Variants in MAPK14 observed in about 807,000 individuals in gnomAD.
MAPK14 encodes CSAID-binding protein.
Under a neutral mutation model 49.6 loss-of-function variants are expected in MAPK14, and 16 were observed. The observed-to-expected ratio is 0.32, with a 90% confidence interval of 0.22 to 0.49. MAPK14 has a LOEUF of 0.49. MAPK14 is among the 20% of genes least tolerant of loss of function. MAPK14 has a pLI of 0.99. For synonymous variants in MAPK14, 142 were observed against 158.0 expected (o/e 0.90, Z 0.76); for missense variants, 200 against 441.2 (o/e 0.45, Z 4.90).
In MAPK14 at chr6:36,028,738, G is replaced by C. The variant is rs375742009; in HGVS notation, c.116+465G>C. 1.2e-3 allele frequency among the ~76,000 whole-genome samples: 175 copies of C among 150,952 alleles called. 2 individuals are homozygous for C. In the South Asian group the frequency reaches 0.035, roughly 30 times the overall value. On this transcript the variant is annotated intron_variant, in intron 1 of 11. Coordinates refer to ENST00000229794, the MANE Select transcript of MAPK14 (RefSeq NM_139012.3). The surrounding 1 kb of genome is among the most constrained non-coding windows in gnomAD (Gnocchi z 5.1). ...GAAGCAGAAGGGCACAGCCCAACCC[G>C]AAGACTGCGGTCATCTGAACAAAAC...
chr6:36,072,792 A>G (rs922461385), intron 3 of MAPK14, 81 bp from the exon 4 acceptor site: 6 of 817,004 alleles, frequency 7.3e-6, no homozygotes, highest in African/African-American at 1.7e-5. Context: ...CAAAAAAACC[A>G]AAAAACTTAT....
intron 2 of MAPK14, among the ~76,000 whole-genome samples, chr6:36,057,094 G>C (rs1280774666): frequency 6.6e-6 from 1 of 152,150 alleles, no homozygotes. Flanking sequence ...AAATATATTG[G>C]TGTCCTTTGA....
At chr6:36,091,819 C>T (rs928302956) in intron 8 of MAPK14, among the ~76,000 whole-genome samples, 1 of 149,968 alleles carries the variant, frequency 6.7e-6, no homozygotes, top group Non-Finnish European at 1.5e-5. Context: ...AGTTGAAAAG[C>T]ATAATATGGC....
chr6:36,056,832 G>A (rs1763608419), intron 2 of MAPK14, among the ~76,000 whole-genome samples: 1 of 152,214 alleles, frequency 6.6e-6, no homozygotes, highest in South Asian at 2.1e-4. Flanking sequence ...GGTGAATAAA[G>A]TTAGCTTCTA....
chr6:36,034,897 CTT>C (rs200316205), intron 1 of MAPK14, among the ~76,000 whole-genome samples: 21 of 120,996 alleles, frequency 1.7e-4, no homozygotes, highest in Middle Eastern at 4.3e-3. Flanking sequence ...TTCTTTCTTT[CTT>C]TTTTTTTTTT....
At chr6:36,113,052 T>C (rs1766002637), downstream of MAPK14, among the ~76,000 whole-genome samples, 1 of 152,232 alleles carries the variant, frequency 6.6e-6, no homozygotes, top group African/African-American at 2.4e-5. Flanking sequence ...ACTTGGTTAA[T>C]GAATATGCAA....
chr6:36,101,988 G>C (rs139569250), intron 9 of MAPK14, among the ~76,000 whole-genome samples: 1 of 152,316 alleles, frequency 6.6e-6, no homozygotes, highest in Non-Finnish European at 1.5e-5. Context: ...CTGTCACTTG[G>C]AACCAAGTAC....
At chr6:36,111,326 C>G (rs1407205830), downstream of MAPK14, 1 of 152,196 alleles carries the variant, frequency 6.6e-6, no homozygotes, top group Non-Finnish European at 1.5e-5. Flanking sequence ...ATAGGACCTC[C>G]AAAATGTCAA....
intron 1 of MAPK14, among the ~76,000 whole-genome samples, chr6:36,042,476 CTTTT>C (rs113286534): frequency 3.3e-4 from 34 of 102,664 alleles, no homozygotes; most frequent in East Asian, 9.3e-4. Flanking sequence ...GAAGGAATAT[CTTTT>C]TTTTTTTTTT....
chr6:36,079,255 A>G (rs1764649345), intron 8 of MAPK14, among the ~76,000 whole-genome samples: 1 of 152,148 alleles, frequency 6.6e-6, no homozygotes, highest in South Asian at 2.1e-4. Flanking sequence ...TTCTTTTCCA[A>G]TATTCTGTTC....
chr6:36,091,009 G>C (rs375595996), intron 8 of MAPK14, among the ~76,000 whole-genome samples: 1 of 152,204 alleles, frequency 6.6e-6, no homozygotes, highest in Non-Finnish European at 1.5e-5. Flanking sequence ...AGTCTATCCT[G>C]TCTGTCACCA....
intron 3 of MAPK14, 37 bp from the exon 4 acceptor site, chr6:36,072,836 G>T: frequency 1.8e-6 from 2 of 1,127,062 alleles, no homozygotes; most frequent in Non-Finnish European, 2.6e-6. Flanking sequence ...TTTCTTAGGG[G>T]TTCTAGATTG....
At chr6:36,101,355 T>A in intron 9 of MAPK14, among the ~76,000 whole-genome samples, 1 of 152,166 alleles carries the variant, frequency 6.6e-6, no homozygotes, top group Middle Eastern at 3.2e-3. Context: ...GGAGGGTTGC[T>A]TGAGTCAGGA....
the MAPK14 span, among the ~76,000 whole-genome samples, chr6:36,121,775 C>G: frequency 1.3e-5 from 2 of 152,182 alleles, no homozygotes; most frequent in Non-Finnish European, 2.9e-5. Context: ...ATAGTGGTTA[C>G]TAGCACTGAC....
intron 10 of MAPK14, among the ~76,000 whole-genome samples, chr6:36,104,432 G>A (rs1765738783): frequency 6.6e-6 from 1 of 151,990 alleles, no homozygotes; most frequent in African/African-American, 2.4e-5. Flanking sequence ...CTGTCGTCCA[G>A]GTTGGAGTGC....
chr6:36,093,700 C>G (rs899337304), intron 8 of MAPK14, among the ~76,000 whole-genome samples: 1 of 113,322 alleles, frequency 8.8e-6, no homozygotes, highest in African/African-American at 3.5e-5. Context: ...GCCTGGGCGA[C>G]AGAGCGAGAG....
At chr6:36,037,080 A>T (rs959260811) in intron 1 of MAPK14, among the ~76,000 whole-genome samples, 8 of 152,134 alleles carry the variant, frequency 5.3e-5, no homozygotes, top group South Asian at 2.1e-4. Flanking sequence ...GCATATATAT[A>T]TTTTTTTGAC....
chr6:36,043,904 G>A (rs781021116), intron 1 of MAPK14, among the ~76,000 whole-genome samples: 18 of 141,880 alleles, frequency 1.3e-4, no homozygotes, highest in Non-Finnish European at 2.4e-4. Context: ...TCTACCTCCC[G>A]GGTTCAAGCG....
At chr6:36,091,594 G>A (rs1007587467) in intron 8 of MAPK14, among the ~76,000 whole-genome samples, 1 of 152,144 alleles carries the variant, frequency 6.6e-6, no homozygotes, top group Non-Finnish European at 1.5e-5. Context: ...AATCATAGTG[G>A]CCTTATAGTA....
Sources: allele counts gnomAD v4.1 joint callset (sites outside exome capture counted in the v4.1 genomes callset), GRCh38; gene constraint gnomAD v4.1.1; non-coding constraint Gnocchi (gnomAD v3.1); transcripts MANE v1.5; gene names NCBI Gene and HGNC (gene_info 2026-07-23, HGNC 2026-07-21).